The following TFPI variants were observed in gnomAD, a reference collection of about 807,000 sequenced individuals.
TFPI encodes the protein tissue factor pathway inhibitor.
TFPI carries 15 observed loss-of-function variants against 34.6 expected under a neutral mutation model. The observed-to-expected ratio is 0.43, with a 90% confidence interval of 0.29 to 0.67. The LOEUF (loss-of-function observed/expected upper bound fraction) is 0.67. Ranked by LOEUF, TFPI falls within the 30% of genes least tolerant of loss-of-function variation. The pLI, the probability that TFPI is intolerant of heterozygous loss-of-function variation, is 0.15. For missense variants in TFPI, 301 were observed against 364.0 expected (o/e 0.83, Z 1.41); for synonymous variants, 105 against 120.1 (o/e 0.87, Z 0.82).
chr2:187,494,455 C>G (rs1332720616), intron 3 of TFPI, among the ~76,000 whole-genome samples: 1 of 152,164 alleles, frequency 6.6e-6, no homozygotes, highest in East Asian at 1.9e-4. Context: ...CAGGGCTCAT[C>G]TTATGTATTT....
At chr2:187,554,017 C>G (rs1486179629) in intron 1 of TFPI, 183 bp downstream of exon 1, 1 of 152,030 alleles carries the variant, frequency 6.6e-6, no homozygotes, top group African/African-American at 2.4e-5. Flanking sequence ...ATGCTGAGAA[C>G]TCAAGTTTGG....
intron 2 of TFPI, among the ~76,000 whole-genome samples, chr2:187,498,997 A>T (rs1445936537): frequency 1.3e-5 from 2 of 152,072 alleles, no homozygotes; most frequent in African/African-American, 4.8e-5. Flanking sequence ...CATGATTTTT[A>T]AAATAATTTT....
At chr2:187,533,662 C>G (rs1038807417) in intron 1 of TFPI, among the ~76,000 whole-genome samples, 2 of 152,152 alleles carry the variant, frequency 1.3e-5, no homozygotes, top group African/African-American at 4.8e-5. Context: ...CTCTTCTCCT[C>G]CAAAGGATCA....
chr2:187,526,501 G>A (rs539615521), intron 1 of TFPI, among the ~76,000 whole-genome samples: 8 of 152,230 alleles, frequency 5.3e-5, no homozygotes, highest in Non-Finnish European at 2.9e-5. Flanking sequence ...GAATTAAAGA[G>A]AGTAATAGGA....
intron 6 of TFPI, among the ~76,000 whole-genome samples, chr2:187,481,243 C>G (rs746279812): frequency 5.3e-5 from 8 of 151,864 alleles, no homozygotes; most frequent in Non-Finnish European, 1.0e-4. Flanking sequence ...TCAAAATAAC[C>G]TGATACCACA....
intron 4 of TFPI, among the ~76,000 whole-genome samples, chr2:187,486,560 T>C (rs1693283505): frequency 6.6e-6 from 1 of 151,692 alleles, no homozygotes; most frequent in African/African-American, 2.4e-5. Flanking sequence ...TTATTTTTCA[T>C]ATGAAACTAC....
intron 1 of TFPI, chr2:187,518,913 C>CT: frequency 6.6e-6 from 1 of 152,160 alleles, no homozygotes; most frequent in East Asian, 1.9e-4. Flanking sequence ...CTCTGATATC[C>CT]TTTTTTCTGC....
At position 187,488,281 on chromosome 2, in the gene TFPI, G is replaced by C. The variant is rs1338349591; in HGVS notation, c.358+56C>G. ...CAAACAAGCAAACAAACAAAAAATT[G>C]AATATCTAAATGCCTTACATAAATG... On this transcript the variant is annotated intron_variant, in intron 4 of 7. Transcript: ENST00000233156. 7.7e-6 allele frequency: 11 copies of C among 1,424,588 alleles called. No individual in the cohort carries two copies. In the South Asian group the frequency reaches 1.5e-4, roughly 19 times the overall value. The allele number at this position is 1,424,588 out of a possible 1,614,324, so 88.2% of individuals were successfully genotyped here.
chr2:187,488,042 A>G, intron 4 of TFPI, among the ~76,000 whole-genome samples: 1 of 151,350 alleles, frequency 6.6e-6, no homozygotes, highest in East Asian at 1.9e-4. Flanking sequence ...AATTAGAGTA[A>G]ATACGGTGTT....
intron 6 of TFPI, among the ~76,000 whole-genome samples, chr2:187,482,299 T>C (rs1278283773): frequency 1.3e-5 from 2 of 152,128 alleles, no homozygotes; most frequent in African/African-American, 4.8e-5. Flanking sequence ...TTAGTCATTC[T>C]AAATTTTCTT....
chr2:187,531,230 G>A (rs1687940396), intron 1 of TFPI, among the ~76,000 whole-genome samples: 1 of 152,176 alleles, frequency 6.6e-6, no homozygotes, highest in South Asian at 2.1e-4. Flanking sequence ...GGCTGCTGCA[G>A]TAAACTTAGT....
chr2:187,477,881 A>G (rs1450382912), intron 6 of TFPI, among the ~76,000 whole-genome samples: 1 of 152,298 alleles, frequency 6.6e-6, no homozygotes, highest in East Asian at 1.9e-4. Flanking sequence ...TTCAAGTAGC[A>G]AAAGGATCTT....
chr2:187,549,606 G>T (rs1689021762), intron 1 of TFPI, among the ~76,000 whole-genome samples: 1 of 152,016 alleles, frequency 6.6e-6, no homozygotes, highest in African/African-American at 2.4e-5. Context: ...TACATAAGAT[G>T]AAATAACTGT....
intron 2 of TFPI, among the ~76,000 whole-genome samples, chr2:187,499,986 T>C (rs1685745515): frequency 6.6e-6 from 1 of 152,178 alleles, no homozygotes; most frequent in Admixed American, 6.6e-5. Flanking sequence ...ATCAATAATT[T>C]TATCAGATAC....
Position 187,484,836 on chromosome 2 carries a change from T to G in TFPI, c.510A>C (p.Glu170Asp). 1 of 1,590,042 alleles carries G rather than the reference T, an allele frequency of 6.3e-7. No homozygotes were observed. The highest frequency in any genetic ancestry group is 1.2e-5 in the South Asian group (1 of 83,802). ...GACCATCTTCACAAATGTTCTTGCA[T>G]TCTTCCAGTGTCTCAAAATTGTTCA... Reference protein sequence around the residue: ...GNMNNFETLEECKNICEDGPN... With the variant: ...GNMNNFETLEDCKNICEDGPN... The change falls in exon 5 of 8, where the codon GAA becomes GAC. Residue 170 changes from glutamate (E) to aspartate (D), a missense_variant. Glu to Asp is a conservative substitution (Grantham distance 45, BLOSUM62 2). Transcript: ENST00000233156.
chr2:187,484,441 C>T (rs572319213), intron 5 of TFPI: 8 of 537,216 alleles, frequency 1.5e-5, no homozygotes, highest in Non-Finnish European at 2.6e-5. Flanking sequence ...TTTAAGTCAT[C>T]CCTTTAATAA....
At chr2:187,479,452 A>ATATCTATT (rs1692655990) in intron 6 of TFPI, among the ~76,000 whole-genome samples, 2 of 148,912 alleles carry the variant, frequency 1.3e-5, no homozygotes, top group African/African-American at 2.5e-5. Context: ...GAGCTTTCTG[A>ATATCTATT]TATCTATTTA....
At chr2:187,493,726 T>A (rs548507083) in intron 3 of TFPI, among the ~76,000 whole-genome samples, 2 of 152,236 alleles carry the variant, frequency 1.3e-5, no homozygotes, top group Admixed American at 1.3e-4. Flanking sequence ...ATTCCACGAA[T>A]CTCTAGGGCA....
intron 1 of TFPI, among the ~76,000 whole-genome samples, chr2:187,505,455 A>G (rs181985460): frequency 6.6e-6 from 1 of 152,140 alleles, no homozygotes; most frequent in Non-Finnish European, 1.5e-5. Flanking sequence ...GCAGGCTTGC[A>G]TTAGTTCTCA....
Sources: allele counts gnomAD v4.1 joint callset (sites outside exome capture counted in the v4.1 genomes callset), GRCh38; gene constraint gnomAD v4.1.1; transcripts MANE v1.5; gene names NCBI Gene and HGNC (gene_info 2026-07-23, HGNC 2026-07-21).